SCML4: variants seen among roughly 807,000 people sequenced by gnomAD.
The protein encoded by SCML4 is Scm polycomb group protein like 4.
A neutral mutation model predicts 41.1 loss-of-function variants in SCML4; 34 were observed. That is an observed-to-expected ratio of 0.83 (90% CI 0.63 to 1.10). The LOEUF (loss-of-function observed/expected upper bound fraction) is 1.10, where lower values mean the gene tolerates loss of function less well. SCML4 is among the 50% of genes least tolerant of loss of function. The pLI, the probability that SCML4 is intolerant of heterozygous loss-of-function variation, is 0.00. For synonymous variants in SCML4, 214 were observed against 220.9 expected (o/e 0.97, Z 0.28); for missense variants, 522 against 534.1 (o/e 0.98, Z 0.22).
chr6:107,839,341 A>AGAAAGAAAG, the SCML4 span, among the ~76,000 whole-genome samples: 9 of 12,884 alleles, frequency 7.0e-4, no homozygotes, highest in South Asian at 5.0e-3. Flanking sequence ...GAGAGAGAGA[A>AGAAAGAAAG]AAAGAAAGAA....
At chr6:107,832,062 C>CAAAAAAAAAAA in the SCML4 span, among the ~76,000 whole-genome samples, 2 of 133,838 alleles carry the variant, frequency 1.5e-5, no homozygotes, top group Non-Finnish European at 3.1e-5. Flanking sequence ...GACTCTGTCT[C>CAAAAAAAAAAA]AAAAAAAAAA....
chr6:107,826,592 T>C (rs1583693636), upstream of SCML4, among the ~76,000 whole-genome samples: 1 of 151,680 alleles, frequency 6.6e-6, no homozygotes, highest in Admixed American at 6.6e-5. Flanking sequence ...AAGAAAGGAG[T>C]TGCTGGTTTT....
At chr6:107,737,335 ATTTG>A (rs1242705509) in intron 5 of SCML4, among the ~76,000 whole-genome samples, 1 of 152,018 alleles carries the variant, frequency 6.6e-6, no homozygotes, top group Non-Finnish European at 1.5e-5. Flanking sequence ...ATGGGGAGAA[ATTTG>A]TTTGTTTGTC....
At chr6:107,764,119 G>A (rs1173140049) in intron 2 of SCML4, among the ~76,000 whole-genome samples, 5 of 152,214 alleles carry the variant, frequency 3.3e-5, no homozygotes, top group Admixed American at 2.0e-4. Context: ...CTAAAAACTT[G>A]CCTGCTGGAA....
intron 2 of SCML4, among the ~76,000 whole-genome samples, chr6:107,762,033 AATG>A (rs1301611971): frequency 6.6e-6 from 1 of 152,220 alleles, no homozygotes; most frequent in Non-Finnish European, 1.5e-5. Context: ...AAACAATAAT[AATG>A]ATGACTGGAG....
At chr6:107,826,851 C>G (rs1454168043), upstream of SCML4, among the ~76,000 whole-genome samples, 1 of 152,194 alleles carries the variant, frequency 6.6e-6, no homozygotes, top group East Asian at 1.9e-4. Context: ...ATCACAAGGT[C>G]AGGAGATCGA....
intron 4 of SCML4, 81 bp from the exon 5 acceptor site, chr6:107,745,224 GT>G (rs1777969959): frequency 3.7e-6 from 4 of 1,087,506 alleles, no homozygotes; most frequent in African/African-American, 1.6e-5. Context: ...AGGATTTTTC[GT>G]TTGTTCATTT....
intron 6 of SCML4, chr6:107,719,872 A>T (rs1480456807): frequency 2.0e-6 from 2 of 983,924 alleles, no homozygotes; most frequent in Non-Finnish European, 2.4e-6. Context: ...ACTATACTCT[A>T]TGGCCTTTAG....
intron 2 of SCML4, among the ~76,000 whole-genome samples, chr6:107,764,890 G>A (rs764319978): frequency 3.9e-5 from 6 of 151,978 alleles, no homozygotes; most frequent in African/African-American, 7.3e-5. Flanking sequence ...CTTGACTCTC[G>A]TTCTCTCTTA....
At chr6:107,770,282 G>A (rs1353998624) in intron 2 of SCML4, among the ~76,000 whole-genome samples, 2 of 151,808 alleles carry the variant, frequency 1.3e-5, no homozygotes, top group Non-Finnish European at 2.9e-5. Flanking sequence ...CAAGATAGTA[G>A]GAAGCAGATA....
At chr6:107,840,531 C>A in the SCML4 span, among the ~76,000 whole-genome samples, 1 of 152,184 alleles carries the variant, frequency 6.6e-6, no homozygotes, top group African/African-American at 2.4e-5. Context: ...AGGCACTGTT[C>A]TAGGCTTAGT....
In SCML4 at chr6:107,810,909, G is replaced by A. The variant is rs138582941; in HGVS notation, c.-60+13217C>T. 9.7e-4 allele frequency among the ~76,000 whole-genome samples: 148 copies of A among 152,204 alleles called. 3 individuals carry two copies. The East Asian group carries it at 0.026, about 26-fold the overall frequency. ...TCCCACCTCATCCTCCCGAAGTGCT[G>A]GGATTACACATGTGAACCCCCACTC... On this transcript the variant is annotated intron_variant, in intron 1 of 7. Transcript: ENST00000369020.
intron 5 of SCML4, among the ~76,000 whole-genome samples, chr6:107,723,398 T>A (rs1278689203): frequency 6.6e-6 from 1 of 152,180 alleles, no homozygotes; most frequent in Non-Finnish European, 1.5e-5. Flanking sequence ...TACTGAATAC[T>A]TACTGAAAGT....
intron 2 of SCML4, among the ~76,000 whole-genome samples, chr6:107,769,201 A>C (rs776688123): frequency 1.3e-5 from 2 of 152,204 alleles, no homozygotes; most frequent in Non-Finnish European, 2.9e-5. Flanking sequence ...GTAGCACCAT[A>C]AAATGTGATA....
intron 6 of SCML4, among the ~76,000 whole-genome samples, chr6:107,714,866 C>T (rs1046976047): frequency 6.6e-6 from 1 of 151,540 alleles, no homozygotes; most frequent in African/African-American, 2.4e-5. Context: ...AGCTCACTCC[C>T]CTGTTCAGAA....
chr6:107,723,630 A>G (rs966162248), intron 5 of SCML4, among the ~76,000 whole-genome samples: 1 of 152,242 alleles, frequency 6.6e-6, no homozygotes, highest in African/African-American at 2.4e-5. Context: ...GTAGACCTGT[A>G]AGAAGTAAAA....
At chr6:107,775,990 T>G (rs112099053) in intron 1 of SCML4, among the ~76,000 whole-genome samples, 3 of 152,032 alleles carry the variant, frequency 2.0e-5, no homozygotes, top group African/African-American at 7.2e-5. Flanking sequence ...TTTAAAAAAA[T>G]ATTTTTAGAA....
At chr6:107,835,966 C>T in the SCML4 span, among the ~76,000 whole-genome samples, 1 of 152,146 alleles carries the variant, frequency 6.6e-6, no homozygotes, top group African/African-American at 2.4e-5. Flanking sequence ...TGAACTTCAT[C>T]CTCCTACAAG....
rs1780033136 is a variant in SCML4 at position 107,766,306 on chromosome 6, G to A, written c.156+5866C>T. On this transcript the variant is annotated intron_variant, in intron 2 of 7. Coordinates refer to ENST00000369020, the MANE Select transcript of SCML4 (RefSeq NM_198081.5). ...AATTGCTTGAACCTGGGAGGCGGAGGTTGCAGTGAGCCGAAATTGCGCCAC... is the reference window on the plus strand; with the variant it reads ...AATTGCTTGAACCTGGGAGGCGGAGATTGCAGTGAGCCGAAATTGCGCCAC... 2.6e-5 allele frequency among the ~76,000 whole-genome samples: 4 copies of A among 151,544 alleles called. No homozygotes were observed. The South Asian group carries it at 8.4e-4, about 32-fold the overall frequency.
Sources: gnomAD v4.1 joint callset for allele counts (sites outside exome capture counted in the v4.1 genomes callset) on GRCh38, gnomAD v4.1.1 for gene constraint, MANE v1.5 for transcripts, NCBI Gene and HGNC (gene_info 2026-07-23, HGNC 2026-07-21) for gene names.